The following SMTN variants were observed in gnomAD, a reference collection of about 807,000 sequenced individuals.
The protein encoded by SMTN is smoothelin.
SMTN carries 58 observed loss-of-function variants against 102.0 expected under a neutral mutation model. That is an observed-to-expected ratio of 0.57 (90% CI 0.46 to 0.71). The LOEUF (loss-of-function observed/expected upper bound fraction) is 0.71, where lower values mean the gene tolerates loss of function less well. Ranked by LOEUF, SMTN falls within the 30% of genes least tolerant of loss-of-function variation. The probability of loss-of-function intolerance (pLI) is 0.00; values close to 1 mark genes in which losing one functional copy is unlikely to be tolerated. For missense variants in SMTN, 1,185 were observed against 1,241.7 expected, an observed-to-expected ratio of 0.95 and a Z score of 0.69; for synonymous variants, 478 against 497.9, an observed-to-expected ratio of 0.96 and a Z score of 0.53.
chr22:31,098,620 G>A (rs371795223), intron 16 of SMTN, 47 bp from the exon 17 acceptor site: 41 of 1,593,236 alleles, frequency 2.6e-5, no homozygotes, highest in Non-Finnish European at 3.3e-5. Flanking sequence ...CCAGGCTGGG[G>A]AGCAGCCCTG....
At chr22:31,104,142 C>T in intron 20 of SMTN, 174 bp from the exon 21 acceptor site, 1 of 691,544 alleles carries the variant, frequency 1.4e-6, no homozygotes, top group Non-Finnish European at 2.4e-6. Flanking sequence ...AGAGATGCCT[C>T]CAGGCTTGGG....
Position 31,088,618 on chromosome 22 carries a change from G to A in SMTN, c.294+12G>A. On this transcript the variant is annotated intron_variant, in intron 4 of 20. Transcript: ENST00000333137. ...AATTGACTGCACTGGTGAGGCCCAGGCTGGGGCAGGGGATGGGGGCAGGGC... is the reference window on the plus strand; with the variant it reads ...AATTGACTGCACTGGTGAGGCCCAGACTGGGGCAGGGGATGGGGGCAGGGC... 6.2e-7 allele frequency: 1 copy of A among 1,613,552 alleles called. No homozygotes were observed. The highest frequency in any genetic ancestry group is 1.1e-5 in the South Asian group (1 of 91,074).
chr22:31,099,582 G>A, intron 18 of SMTN, 163 bp from the exon 19 acceptor site: 1 of 723,370 alleles, frequency 1.4e-6, no homozygotes, highest in Non-Finnish European at 2.2e-6. Flanking sequence ...GGAGTTGACA[G>A]GCTGACTTGG....
At chr22:31,083,041 C>T (rs1569239503) in intron 1 of SMTN, 138 bp from the exon 2 acceptor site, 2 of 1,418,978 alleles carry the variant, frequency 1.4e-6, no homozygotes, top group East Asian at 2.5e-5. Flanking sequence ...CAGAGGGCAG[C>T]TTCCAGCCAG....
rs2043463065 is a variant in SMTN at position 31,095,060 on chromosome 22, T to C, written c.1633-243T>C. ...ACTTACTATGGACTGGAAATCATCA[T>C]TATTATCACTATCCATTGTATTAAT... On this transcript the variant is annotated intron_variant, in intron 11 of 20. Transcript: ENST00000333137. This position sits in a 1 kb window ranked among gnomAD's most constrained non-coding sequence, Gnocchi z 4.1. Among the ~76,000 whole-genome samples, 1 of 152,138 alleles carries C rather than the reference T, an allele frequency of 6.6e-6. No homozygotes were observed. Among genetic ancestry groups the C allele is most frequent in the African/African-American group, 2.4e-5 (1 of 41,428 alleles).
At chr22:31,085,153 C>G in intron 2 of SMTN, 1 of 1,535,528 alleles carries the variant, frequency 6.5e-7, no homozygotes, top group Middle Eastern at 1.7e-4. Flanking sequence ...GCCTCGGTCC[C>G]GAGTTCGAGT....
rs569047122 is a variant in SMTN at position 31,087,372 on chromosome 22, C to T, written c.52-593C>T. Among the ~76,000 whole-genome samples the T allele has an allele frequency of 1.8e-4, 28 of 152,292 alleles. No individual in the cohort carries two copies. The South Asian group carries it at 2.1e-3, about 11-fold the overall frequency. On this transcript the variant is annotated intron_variant, in intron 2 of 20. Transcript: ENST00000333137. ...GGGGATTGGTCCTCCCACTCTGCAC[C>T]CTGGCTTCTTCCATGGTGGCTAGGT...
chr22:31,090,820 C>G lies in SMTN; in HGVS notation c.878C>G (p.Pro293Arg). ...CCCAACCTGCCAGACGTGGCTGGAC[C>G]CCGACCCTGCCAACGCTCCCTGTCG... ...SDTKRADVAG[P>R]RPCQRSLSVL... The change falls in exon 9 of 21, where the codon CCC becomes CGC. Residue 293 changes from proline (P) to arginine (R), a missense_variant. Transcript: ENST00000333137. The G allele has an allele frequency of 6.2e-7, 1 of 1,613,756 alleles. No individual in the cohort carries two copies. Among genetic ancestry groups the G allele is most frequent in the Non-Finnish European group, 8.5e-7 (1 of 1,179,792 alleles).
At chr22:31,099,509 C>T in intron 18 of SMTN, 1 of 592,716 alleles carries the variant, frequency 1.7e-6, no homozygotes, top group Non-Finnish European at 3.0e-6. Context: ...GAGGCATGAC[C>T]ATAGCCTTAG....
In SMTN at chr22:31,095,153, A is replaced by G. The variant is rs549902828; in HGVS notation, c.1633-150A>G. 9.5e-4 allele frequency: 704 copies of G among 739,600 alleles called. 4 individuals carry two copies. In the African/African-American group the frequency reaches 0.011, roughly 12 times the overall value. The allele number at this position is 739,600 out of a possible 1,614,324, so 45.8% of individuals were successfully genotyped here. On this transcript the variant is annotated intron_variant, in intron 11 of 20. Coordinates refer to ENST00000333137, the MANE Select transcript of SMTN (RefSeq NM_134269.3). This position sits in a 1 kb window ranked among gnomAD's most constrained non-coding sequence, Gnocchi z 4.1. Reference sequence around the variant, plus strand: ...TGCCTCTTCCCTGACTGACGCTGACATGGCCATCTTTGGGCAGGCAGGCTG... The same window carrying G: ...TGCCTCTTCCCTGACTGACGCTGACGTGGCCATCTTTGGGCAGGCAGGCTG...
intron 16 of SMTN, among the ~76,000 whole-genome samples, chr22:31,097,715 GATAAATAA>G (rs56931006): frequency 0.011 from 1,620 of 145,886 alleles, 17 homozygotes; most frequent in Non-Finnish European, 0.014. Context: ...AAAATAAATA[GATAAATAA>G]ATAAATAAAT....
rs769465375 is a variant in SMTN at position 31,099,094 on chromosome 22, G to C, written c.2366G>C (p.Arg789Pro). 1 of 1,612,862 alleles carries C rather than the reference G, an allele frequency of 6.2e-7. No individual in the cohort carries two copies. Among genetic ancestry groups the C allele is most frequent in the Non-Finnish European group, 8.5e-7 (1 of 1,179,932 alleles). The change falls in exon 18 of 21, where the codon CGA becomes CCA. Residue 789 changes from arginine to proline, a missense_variant. By Grantham distance (103) the Arg-to-Pro change is moderately radical. Coordinates refer to ENST00000333137, the MANE Select transcript of SMTN (RefSeq NM_134269.3). Reference sequence around the variant, plus strand: ...GGCGGACCCCGCGCAGCCGTGCAGCGATCCACCAGCTTCGGGGTCCCCAAC... The same window carrying C: ...GGCGGACCCCGCGCAGCCGTGCAGCCATCCACCAGCTTCGGGGTCCCCAAC... Reference protein sequence around the residue: ...SPGGPRAAVQRSTSFGVPNAN... With the variant: ...SPGGPRAAVQPSTSFGVPNAN...
In SMTN at chr22:31,095,645, C is replaced by T; in HGVS notation, c.1861+36C>T. The stretch of plus-strand genomic sequence containing the variant: ...AGTTGCCCTACCCTAGATCCAGCTG[C>T]CCCATTCCCCAGCTGCTCCCCTCAT... On this transcript the variant is annotated intron_variant, in intron 13 of 20. Transcript: ENST00000333137. The surrounding 1 kb of genome is among the most constrained non-coding windows in gnomAD (Gnocchi z 4.1). The T allele has an allele frequency of 2.6e-6, 4 of 1,559,298 alleles. No homozygotes were observed. The highest frequency in any genetic ancestry group is 1.4e-5 in the African/African-American group (1 of 73,998).
intron 20 of SMTN, chr22:31,103,040 C>A (rs2044223756): frequency 6.6e-6 from 1 of 152,204 alleles, no homozygotes; most frequent in African/African-American, 2.4e-5. Flanking sequence ...TAGAAAAGGG[C>A]CTTATCTAGC....
chr22:31,102,911 C>G (rs1189133562), intron 20 of SMTN: 2 of 152,232 alleles, frequency 1.3e-5, no homozygotes, highest in Non-Finnish European at 2.9e-5. Flanking sequence ...AGGGATGACC[C>G]TAGGGGCACG....
intron 11 of SMTN, chr22:31,093,472 C>A (rs1360785211): frequency 9.8e-6 from 6 of 610,518 alleles, no homozygotes; most frequent in South Asian, 1.7e-5. Context: ...AGGGCCTGGG[C>A]CTGAGCTGGC....
chr22:31,098,741 A>G lies in SMTN; in HGVS notation c.2234A>G (p.Lys745Arg), dbSNP rs1231628744. 6.2e-7 allele frequency: 1 copy of G among 1,613,358 alleles called. No individual in the cohort carries two copies. The highest frequency in any genetic ancestry group is 2.2e-5 in the East Asian group (1 of 44,866). ...GCGCTCGAGAAACGGCAGGCCGAGA[A>G]GAAGAAAGAGCTGATGAAGGCGCAG... ...LAALEKRQAE[K>R]KKELMKAQSL... The change falls in exon 17 of 21, where the codon AAG (lysine) becomes AGG (arginine). Residue 745 changes from lysine (K) to arginine (R), a missense_variant. Physicochemically the swap from Lys to Arg is conservative, Grantham distance 26. Transcript: ENST00000333137.
intron 13 of SMTN, chr22:31,096,100 C>T: frequency 5.5e-6 from 1 of 180,420 alleles, no homozygotes; most frequent in South Asian, 1.1e-4. Context: ...GGTTCAATTG[C>T]TTCTCCTCTC....
chr22:31,082,539 G>A lies in SMTN; in HGVS notation c.-80-640G>A, dbSNP rs1211327555. ...CAGTTTGCCTGAAATCCAGGGGTTG[G>A]GCAGGTCAGCTTCTGAAAGCCCTTC... On this transcript the variant is annotated intron_variant, in intron 1 of 20. Coordinates refer to ENST00000333137, the MANE Select transcript of SMTN (RefSeq NM_134269.3). 1.4e-5 allele frequency: 7 copies of A among 494,544 alleles called. No individual in the cohort carries two copies. The East Asian group carries it at 4.3e-4, about 31-fold the overall frequency. 30.6% of individuals were successfully genotyped at this position (494,544 alleles called of 1,614,324 possible).
Sources: allele counts gnomAD v4.1 joint callset (sites outside exome capture counted in the v4.1 genomes callset), GRCh38; gene constraint gnomAD v4.1.1; non-coding constraint Gnocchi (gnomAD v3.1); transcripts MANE v1.5; gene names NCBI Gene and HGNC (gene_info 2026-07-23, HGNC 2026-07-21).